OSBPL1A: variants seen among roughly 807,000 people sequenced by gnomAD.
The protein encoded by OSBPL1A is oxysterol binding protein like 1A, also known as oxysterol-binding protein-related protein 1.
A neutral mutation model predicts 137.1 loss-of-function variants in OSBPL1A; 80 were observed. That is an observed-to-expected ratio of 0.58 (90% CI 0.49 to 0.70). The LOEUF is 0.70. Ranked by LOEUF, OSBPL1A falls within the 30% of genes least tolerant of loss-of-function variation. OSBPL1A has a pLI of 0.00. For missense variants in OSBPL1A, 970 were observed against 1,129.4 expected (o/e 0.86, Z 2.02); for synonymous variants, 365 against 389.7 (o/e 0.94, Z 0.75).
intron 16 of OSBPL1A, among the ~76,000 whole-genome samples, chr18:24,232,835 G>C (rs562343888): frequency 6.6e-6 from 1 of 151,918 alleles, no homozygotes; most frequent in Non-Finnish European, 1.5e-5. Context: ...GATATGGCTG[G>C]TGCCCTCCAA....
Position 24,393,523 on chromosome 18 carries a change from G to A in OSBPL1A, c.-3+4132C>T, listed in dbSNP as rs541652019. On this transcript the variant is annotated intron_variant, in intron 1 of 27. Coordinates refer to ENST00000319481, the MANE Select transcript of OSBPL1A (RefSeq NM_080597.4). ...GCTGGAGTGCAGTGGCACGATCTCC[G>A]CTCACTGCAAGCTCCTCTTCCCGGG... 9.9e-4 allele frequency among the ~76,000 whole-genome samples: 151 copies of A among 152,212 alleles called. 1 individual carries two copies. The highest frequency in any genetic ancestry group is 3.5e-3 in the African/African-American group (145 of 41,520).
chr18:24,281,076 A>G, intron 14 of OSBPL1A, 128 bp from the exon 15 acceptor site: 1 of 541,258 alleles, frequency 1.8e-6, no homozygotes, highest in South Asian at 3.1e-5. Flanking sequence ...AAAACATATC[A>G]TGTTTCTTTT....
intron 13 of OSBPL1A, among the ~76,000 whole-genome samples, chr18:24,304,086 T>C (rs1345683122): frequency 6.6e-6 from 1 of 152,132 alleles, no homozygotes; most frequent in Non-Finnish European, 1.5e-5. Flanking sequence ...AATTATAAAA[T>C]GCATTCCTTA....
chr18:24,376,768 C>T (rs562694155), intron 2 of OSBPL1A, among the ~76,000 whole-genome samples: 6 of 152,352 alleles, frequency 3.9e-5, no homozygotes, highest in African/African-American at 1.2e-4. Flanking sequence ...AGCGCAGCGC[C>T]GGTGGGCTGG....
chr18:24,303,830 G>A (rs1484056854), intron 13 of OSBPL1A, 112 bp from the exon 14 acceptor site: 7 of 771,756 alleles, frequency 9.1e-6, no homozygotes, highest in South Asian at 1.7e-5. Flanking sequence ...TACCATAACA[G>A]AGACATATGC....
intron 1 of OSBPL1A, among the ~76,000 whole-genome samples, chr18:24,381,399 C>G (rs1049164599): frequency 6.6e-6 from 1 of 152,170 alleles, no homozygotes; most frequent in African/African-American, 2.4e-5. Context: ...CCGGATTTTA[C>G]AAGGAAGTGC....
intron 16 of OSBPL1A, among the ~76,000 whole-genome samples, chr18:24,231,456 C>T (rs2088277462): frequency 6.6e-6 from 1 of 152,022 alleles, no homozygotes; most frequent in Admixed American, 6.6e-5. Context: ...CCACGCCCAG[C>T]ATTTTTGTAT....
intron 20 of OSBPL1A, among the ~76,000 whole-genome samples, chr18:24,178,866 G>C (rs1220138289): frequency 1.3e-5 from 2 of 151,858 alleles, no homozygotes; most frequent in Admixed American, 6.6e-5. Flanking sequence ...GAGGAGGAAC[G>C]CATAGAAAAA....
rs571644602 is a variant in OSBPL1A, at chr18:24,317,216, C to T, written c.807-4G>A. ...AATATTATGAACTGCATCAGGCCTT[C>T]AAAATAAAAATGAAATTATCAAGAC... On this transcript the variant is annotated splice_region_variant and splice_polypyrimidine_tract_variant and intron_variant, in intron 10 of 27. Coordinates refer to ENST00000319481, the MANE Select transcript of OSBPL1A (RefSeq NM_080597.4). The T allele has an allele frequency of 6.2e-6, 10 of 1,612,894 alleles. No individual in the cohort carries two copies. The South Asian group carries it at 1.1e-4, about 18-fold the overall frequency.
chr18:24,363,156 A>AT (rs1257136420), intron 4 of OSBPL1A, among the ~76,000 whole-genome samples: 2 of 152,250 alleles, frequency 1.3e-5, no homozygotes, highest in East Asian at 3.8e-4. Flanking sequence ...TACCGCTGCT[A>AT]TAACAAATGA....
chr18:24,368,968 G>C (rs1905393712), intron 2 of OSBPL1A, among the ~76,000 whole-genome samples: 1 of 152,208 alleles, frequency 6.6e-6, no homozygotes, highest in South Asian at 2.1e-4. Flanking sequence ...GTGACAGTGA[G>C]TGAGTTCTCA....
intron 18 of OSBPL1A, among the ~76,000 whole-genome samples, chr18:24,185,291 G>A (rs1218154227): frequency 6.6e-6 from 1 of 151,908 alleles, no homozygotes; most frequent in African/African-American, 2.4e-5. Flanking sequence ...TATGAACTTG[G>A]GGTGATGATG....
intron 4 of OSBPL1A, chr18:24,364,910 G>A (rs1466387224): frequency 6.6e-6 from 1 of 151,966 alleles, no homozygotes; most frequent in Non-Finnish European, 1.5e-5. Context: ...CTTCTCAGGA[G>A]GCTGAGAGGG....
rs142316616 is a variant in OSBPL1A at position 24,261,685 on chromosome 18, G to C, written c.1281+19157C>G. 4.6e-3 allele frequency among the ~76,000 whole-genome samples: 695 copies of C among 151,964 alleles called. 4 individuals carry two copies. The highest frequency in any genetic ancestry group is 0.016 in the African/African-American group (661 of 41,430). ...CCATCTCTATAAAAAATACAAAAAT[G>C]AGCCGGGTGTGGTGGTGCATGCCTG... On this transcript the variant is annotated intron_variant, in intron 15 of 27. Transcript: ENST00000319481.
chr18:24,252,397 C>A (rs959325635), intron 15 of OSBPL1A, among the ~76,000 whole-genome samples: 1 of 152,010 alleles, frequency 6.6e-6, no homozygotes, highest in Non-Finnish European at 1.5e-5. Context: ...GAAATCTTAC[C>A]AGCCAGAAGA....
At chr18:24,313,168 C>A (rs751310844) in intron 12 of OSBPL1A, among the ~76,000 whole-genome samples, 1 of 151,480 alleles carries the variant, frequency 6.6e-6, no homozygotes, top group Non-Finnish European at 1.5e-5. Context: ...AAGGGCCGGG[C>A]GCGGTGGCTC....
At chr18:24,396,631 G>A (rs1296034708) in intron 1 of OSBPL1A, among the ~76,000 whole-genome samples, 1 of 150,788 alleles carries the variant, frequency 6.6e-6, no homozygotes, top group Non-Finnish European at 1.5e-5. Flanking sequence ...GAATTAAAAG[G>A]TGGATTTTGT....
chr18:24,174,036 C>A (rs1183538445), intron 21 of OSBPL1A, among the ~76,000 whole-genome samples: 2 of 152,138 alleles, frequency 1.3e-5, no homozygotes, highest in Non-Finnish European at 2.9e-5. Flanking sequence ...TATAATGCAC[C>A]TGAAATTCAT....
At chr18:24,367,420 T>C (rs948152929) in intron 3 of OSBPL1A, 2 of 152,134 alleles carry the variant, frequency 1.3e-5, no homozygotes, top group Non-Finnish European at 2.9e-5. Flanking sequence ...CGTGGGCGGA[T>C]TGCTTGTGCT....
Sources: allele counts gnomAD v4.1 joint callset (sites outside exome capture counted in the v4.1 genomes callset), GRCh38; gene constraint gnomAD v4.1.1; transcripts MANE v1.5; gene names NCBI Gene and HGNC (gene_info 2026-07-23, HGNC 2026-07-21).